Variants in PPP1R12B observed in about 807,000 individuals in gnomAD.
PPP1R12B encodes the protein protein phosphatase 1 regulatory subunit 12B.
PPP1R12B carries 76 observed loss-of-function variants against 126.1 expected under a neutral mutation model. The observed-to-expected ratio is 0.60, with a 90% CI of 0.50 to 0.73. The LOEUF (loss-of-function observed/expected upper bound fraction) is 0.73, where lower values mean the gene tolerates loss of function less well. Among genes scored for constraint, PPP1R12B ranks in the 30% least tolerant of loss-of-function variants. The probability of loss-of-function intolerance (pLI) is 0.00; values close to 1 mark genes in which losing one functional copy is unlikely to be tolerated. For synonymous variants in PPP1R12B, 356 were observed against 434.7 expected, an observed-to-expected ratio of 0.82 and a Z score of 2.25; for missense variants, 1,052 against 1,205.1, an observed-to-expected ratio of 0.87 and a Z score of 1.88.
At chr1:202,448,796 C>T (rs1672571543) in intron 12 of PPP1R12B, among the ~76,000 whole-genome samples, 193 bp from the exon 13 acceptor site, 1 of 152,160 alleles carries the variant, frequency 6.6e-6, no homozygotes, top group African/African-American at 2.4e-5. Flanking sequence ...ACTCCTCAGG[C>T]AAAGGATGTC....
intron 1 of PPP1R12B, among the ~76,000 whole-genome samples, chr1:202,397,891 C>T (rs551306760): frequency 1.3e-5 from 2 of 152,260 alleles, no homozygotes; most frequent in East Asian, 3.9e-4. Context: ...GGCAAGAATA[C>T]AGCATAGTCC....
At chr1:202,380,163 G>C (rs1268796423) in intron 1 of PPP1R12B, among the ~76,000 whole-genome samples, 2 of 151,832 alleles carry the variant, frequency 1.3e-5, no homozygotes, top group Non-Finnish European at 2.9e-5. Flanking sequence ...TCTATGCCTC[G>C]TAAAACCCTC....
chr1:202,503,974 A>G (rs1444248967), intron 18 of PPP1R12B, among the ~76,000 whole-genome samples: 1 of 152,118 alleles, frequency 6.6e-6, no homozygotes, highest in Admixed American at 6.5e-5. Context: ...TCTTCTTACT[A>G]CATCAGAGGG....
chr1:202,545,238 CA>C (rs1445977906), intron 18 of PPP1R12B, among the ~76,000 whole-genome samples: 1 of 152,174 alleles, frequency 6.6e-6, no homozygotes, highest in African/African-American at 2.4e-5. Flanking sequence ...CAAGGAAAAT[CA>C]ATAGCAGTAA....
chr1:202,382,592 T>C (rs1001052049), intron 1 of PPP1R12B, among the ~76,000 whole-genome samples: 3 of 151,838 alleles, frequency 2.0e-5, no homozygotes, highest in Non-Finnish European at 2.9e-5. Flanking sequence ...AAAAATTGAC[T>C]GTGGCTGGGC....
chr1:202,507,592 A>G (rs1171916388), intron 18 of PPP1R12B, among the ~76,000 whole-genome samples: 3 of 152,184 alleles, frequency 2.0e-5, no homozygotes, highest in Non-Finnish European at 4.4e-5. Flanking sequence ...TTTTCTTTTT[A>G]AAAAACGTAT....
At chr1:202,557,909 A>G (rs1687123146) in intron 18 of PPP1R12B, among the ~76,000 whole-genome samples, 1 of 152,146 alleles carries the variant, frequency 6.6e-6, no homozygotes, top group Non-Finnish European at 1.5e-5. Flanking sequence ...TTGTCCTGCT[A>G]TGTTGTTTGA....
chr1:202,430,945 T>C, intron 7 of PPP1R12B, 135 bp downstream of exon 7: 2 of 1,321,344 alleles, frequency 1.5e-6, no homozygotes, highest in Admixed American at 3.0e-5. Flanking sequence ...GGGAAACTTG[T>C]GGGAAACTTT....
intron 1 of PPP1R12B, among the ~76,000 whole-genome samples, chr1:202,409,233 T>G (rs1667063423): frequency 6.6e-6 from 1 of 152,204 alleles, no homozygotes; most frequent in South Asian, 2.1e-4. Context: ...CTATTTTTAA[T>G]TTTTTGAGGA....
intron 18 of PPP1R12B, among the ~76,000 whole-genome samples, chr1:202,538,463 C>T (rs1397650701): frequency 2.6e-5 from 4 of 152,220 alleles, no homozygotes; most frequent in Non-Finnish European, 5.9e-5. Flanking sequence ...CTCAGACCAA[C>T]TTCCAAGTAG....
intron 18 of PPP1R12B, among the ~76,000 whole-genome samples, chr1:202,515,676 C>G (rs1001189068): frequency 2.5e-4 from 38 of 152,272 alleles, no homozygotes; most frequent in African/African-American, 9.1e-4. Context: ...TGATCAGCCT[C>G]CCAAGTAGCT....
At chr1:202,559,719 TTATTAATATA>T (rs1394917925) in intron 19 of PPP1R12B, among the ~76,000 whole-genome samples, 1 of 152,192 alleles carries the variant, frequency 6.6e-6, no homozygotes, top group Non-Finnish European at 1.5e-5. Flanking sequence ...TGGTTCTGTC[TTATTAATATA>T]TTCTAATGTT....
At chr1:202,567,405 C>G in intron 21 of PPP1R12B, 1 of 163,842 alleles carries the variant, frequency 6.1e-6, no homozygotes, top group Non-Finnish European at 1.3e-5. Context: ...GTTATTTCCT[C>G]TGGGTTGTGA....
At position 202,588,324 on chromosome 1, in the gene PPP1R12B, A is replaced by ATGGGG. The variant is rs1689947340; in HGVS notation, c.*7771_*7775dup. The stretch of plus-strand genomic sequence containing the variant: ...TCAGTCCACTGTAAATACACCTGGG[A>ATGGGG]TGGGGTGGGGTTGGGGTTGTTTAGG... On this transcript the variant is annotated 3_prime_UTR_variant, in exon 24 of 24. Coordinates refer to ENST00000608999, the MANE Select transcript of PPP1R12B (RefSeq NM_002481.4). 6.6e-6 allele frequency: 1 copy of ATGGGG among 152,496 alleles called. No individual in the cohort carries two copies. The highest frequency in any genetic ancestry group is 1.5e-5 in the Non-Finnish European group (1 of 68,006). 9.4% of individuals were successfully genotyped at this position (152,496 alleles called of 1,614,324 possible).
intron 19 of PPP1R12B, among the ~76,000 whole-genome samples, chr1:202,561,083 AGAT>A (rs1687476217): frequency 6.6e-6 from 1 of 151,964 alleles, no homozygotes; most frequent in Admixed American, 6.5e-5. Flanking sequence ...AATAAGAAAA[AGAT>A]GATTACCCTA....
chr1:202,518,856 C>T (rs1183438592), intron 18 of PPP1R12B, among the ~76,000 whole-genome samples: 2 of 152,178 alleles, frequency 1.3e-5, no homozygotes, highest in Non-Finnish European at 2.9e-5. Context: ...CTTTATCCCT[C>T]TCTTTTGACT....
intron 18 of PPP1R12B, among the ~76,000 whole-genome samples, chr1:202,512,917 C>G: frequency 6.6e-6 from 1 of 152,164 alleles, no homozygotes; most frequent in Non-Finnish European, 1.5e-5. Flanking sequence ...GTGAATTTAT[C>G]TTTAATATGG....
chr1:202,481,280 A>G (rs1057460725), intron 13 of PPP1R12B, among the ~76,000 whole-genome samples: 2 of 152,172 alleles, frequency 1.3e-5, no homozygotes, highest in African/African-American at 4.8e-5. Flanking sequence ...GTAACTAACC[A>G]CCACTTGTGT....
intron 11 of PPP1R12B, among the ~76,000 whole-genome samples, chr1:202,441,073 G>T (rs111381427): frequency 6.2e-4 from 94 of 152,218 alleles, no homozygotes; most frequent in African/African-American, 2.1e-3. Flanking sequence ...CTCTGTAAAG[G>T]TAGGGTCTGA....
Sources: gnomAD v4.1 joint callset for allele counts (sites outside exome capture counted in the v4.1 genomes callset) on GRCh38, gnomAD v4.1.1 for gene constraint, MANE v1.5 for transcripts, NCBI Gene and HGNC (gene_info 2026-07-23, HGNC 2026-07-21) for gene names.